The following OTUD4 variants were observed in gnomAD, a reference collection of about 807,000 sequenced individuals.
OTUD4 encodes OTU domain-containing protein 4.
In OTUD4, 24 loss-of-function variants were observed where a neutral mutation model predicts 130.4. The ratio of observed to expected loss-of-function variants is 0.18; its 90% CI spans 0.13 to 0.26. The LOEUF is 0.26. OTUD4 is among the 10% of genes least tolerant of loss of function. The pLI is 1.00. For missense variants in OTUD4, 1,031 were observed against 1,329.4 expected (o/e 0.78, Z 3.49); for synonymous variants, 420 against 472.5 (o/e 0.89, Z 1.44).
rs529802439 is a variant in OTUD4, at chr4:145,137,361, A to G, written c.*69T>C. ...CCAACTGCGGTTTTTACTTTATTGT[A>G]TTTTTTTTAAAGCCTTCAGAAACAT... is the stretch of plus-strand genomic sequence containing the variant. On this transcript the variant is annotated 3_prime_UTR_variant, in exon 21 of 21. Coordinates refer to ENST00000447906, the MANE Select transcript of OTUD4 (RefSeq NM_001366057.1). The G allele has an allele frequency of 3.7e-5, 50 of 1,346,212 alleles. No homozygotes were observed. In the South Asian group the frequency reaches 6.0e-4, roughly 16 times the overall value. The allele number at this position is 1,346,212 out of a possible 1,614,324, so 83.4% of individuals were successfully genotyped here.
At chr4:145,159,944 C>T (rs11734405) in intron 6 of OTUD4, among the ~76,000 whole-genome samples, 68,656 of 151,968 alleles carry the variant, frequency 0.45, 15,722 homozygotes, top group Middle Eastern at 0.5. Flanking sequence ...CCAAAACACA[C>T]ACACTGAGCA....
chr4:145,155,388 C>CT, intron 10 of OTUD4, 23 bp downstream of exon 10: 1 of 1,587,620 alleles, frequency 6.3e-7, no homozygotes, highest in Non-Finnish European at 8.6e-7. Flanking sequence ...AAAATCTCTT[C>CT]TTCTTTTACA....
At chr4:145,144,246 ATGACAT>A in intron 15 of OTUD4, 59 bp downstream of exon 15, 1 of 1,528,154 alleles carries the variant, frequency 6.5e-7, no homozygotes, top group Non-Finnish European at 8.8e-7. Flanking sequence ...TCCCAAATAT[ATGACAT>A]TAAGCCAGTC....
At chr4:145,145,922 C>T (rs904674655) in intron 14 of OTUD4, among the ~76,000 whole-genome samples, 1 of 152,196 alleles carries the variant, frequency 6.6e-6, no homozygotes, top group Non-Finnish European at 1.5e-5. Flanking sequence ...TGATTTTACA[C>T]ATAGATCTTG....
chr4:145,167,618 AG>A (rs1424748000), intron 3 of OTUD4, among the ~76,000 whole-genome samples: 6 of 152,192 alleles, frequency 3.9e-5, no homozygotes, highest in Non-Finnish European at 8.8e-5. Flanking sequence ...GCACTTTGGG[AG>A]GCCAAGGAGG....
intron 19 of OTUD4, among the ~76,000 whole-genome samples, chr4:145,140,439 G>C (rs1750505276): frequency 6.6e-6 from 1 of 152,114 alleles, no homozygotes; most frequent in African/African-American, 2.4e-5. Context: ...GTTACTCATA[G>C]ACACAAACAT....
At chr4:145,171,040 G>A (rs933309150) in intron 3 of OTUD4, 1 of 152,162 alleles carries the variant, frequency 6.6e-6, no homozygotes, top group African/African-American at 2.4e-5. Context: ...TGCCTAGGAA[G>A]AAAAACTCTG....
Position 145,156,009 on chromosome 4 carries a change from A to G in OTUD4, c.630-13T>C, listed in dbSNP as rs1461682698. 4 of 1,605,744 alleles carry G rather than the reference A, an allele frequency of 2.5e-6. No individual in the cohort carries two copies. The Admixed American group carries it at 5.1e-5, about 21-fold the overall frequency. The stretch of plus-strand genomic sequence containing the variant: ...AGCAGTCTTACTCCTACAAAGAAAG[A>G]TAACCATAATTGGGGCAGAAAAAGG... On this transcript the variant is annotated splice_polypyrimidine_tract_variant and intron_variant, in intron 7 of 20. Coordinates refer to ENST00000447906, the MANE Select transcript of OTUD4 (RefSeq NM_001366057.1).
chr4:145,159,764 C>T, intron 6 of OTUD4, 129 bp from the exon 7 acceptor site: 1 of 804,390 alleles, frequency 1.2e-6, no homozygotes, highest in Non-Finnish European at 1.9e-6. Context: ...TCTGCTAAAC[C>T]TTATGGTCAA....
rs187838777 is a variant in OTUD4 at position 145,155,918 on chromosome 4, C to A, written c.690+18G>T. On this transcript the variant is annotated intron_variant, in intron 8 of 20. Transcript: ENST00000447906. ...TATATTAAAGAACTACATTTAAAACCACTTTTAAAAAAAATACCTCATTGC... is the reference window on the plus strand; with the variant it reads ...TATATTAAAGAACTACATTTAAAACAACTTTTAAAAAAAATACCTCATTGC... The A allele has an allele frequency of 2.5e-5, 39 of 1,580,070 alleles. No homozygotes were observed. The East Asian group carries it at 3.4e-4, about 14-fold the overall frequency.
intron 5 of OTUD4, among the ~76,000 whole-genome samples, chr4:145,163,554 T>TA (rs1182633354): frequency 6.6e-6 from 1 of 152,246 alleles, no homozygotes; most frequent in Non-Finnish European, 1.5e-5. Context: ...TTTATATTGA[T>TA]AAAAAACTAT....
chr4:145,178,336 T>C (rs1471905463), intron 1 of OTUD4, among the ~76,000 whole-genome samples: 6 of 152,204 alleles, frequency 3.9e-5, no homozygotes, highest in Non-Finnish European at 2.9e-5. Flanking sequence ...AAGCTTCCCT[T>C]ACCGCCATTT....
At chr4:145,144,113 A>G in intron 15 of OTUD4, 112 bp from the exon 16 acceptor site, 1 of 1,073,930 alleles carries the variant, frequency 9.3e-7, no homozygotes, top group Non-Finnish European at 1.4e-6. Context: ...AACCATGTTT[A>G]GTCAGTGAAA....
rs1750292374 is a variant in OTUD4, at chr4:145,136,776, TAAAA to T, written c.*650_*653del. On this transcript the variant is annotated 3_prime_UTR_variant, in exon 21 of 21. Coordinates refer to ENST00000447906, the MANE Select transcript of OTUD4 (RefSeq NM_001366057.1). ...ATTCAAAAATATACCTTATGAATAT[TAAAA>T]GAACTATATACAACATTGCTAAGAC... 6.6e-6 allele frequency: 1 copy of T among 152,636 alleles called. No individual in the cohort carries two copies. Among genetic ancestry groups the T allele is most frequent in the Non-Finnish European group, 1.5e-5 (1 of 68,032 alleles). 9.5% of individuals were successfully genotyped at this position (152,636 alleles called of 1,614,324 possible).
intron 3 of OTUD4, chr4:145,171,439 C>T (rs1444307804): frequency 4.9e-6 from 2 of 409,614 alleles, no homozygotes; most frequent in Non-Finnish European, 8.7e-6. Flanking sequence ...CATTTACATG[C>T]CATTATAGCC....
In OTUD4 at chr4:145,155,551, T is replaced by C. The variant is rs1751244360; in HGVS notation, c.808+18A>G. ...TGCTACAAAGCAAATTTATGGAAAATGCAGATTTTTAACTCACCTTGTTTA... is the reference window on the plus strand; with the variant it reads ...TGCTACAAAGCAAATTTATGGAAAACGCAGATTTTTAACTCACCTTGTTTA... On this transcript the variant is annotated intron_variant, in intron 9 of 20. Coordinates refer to ENST00000447906, the MANE Select transcript of OTUD4 (RefSeq NM_001366057.1). 1.2e-6 allele frequency: 2 copies of C among 1,601,356 alleles called. No homozygotes were observed. Among genetic ancestry groups the C allele is most frequent in the Admixed American group, 1.7e-5 (1 of 58,588 alleles).
At chr4:145,152,666 A>C in intron 10 of OTUD4, 31 bp from the exon 11 acceptor site, 1 of 1,286,154 alleles carries the variant, frequency 7.8e-7, no homozygotes, top group Non-Finnish European at 1.1e-6. Context: ...GAAAAGGAAA[A>C]AAAAAATCAG....
chr4:145,138,095 G>A lies in OTUD4; in HGVS notation c.2680C>T (p.Leu894=), dbSNP rs747474856. Reference sequence around the variant, plus strand: ...TCTTTAGACAGATCCAGATTTTCCAGAGACAGATCCAATTCTCCTTTTTCA... The same window carrying A: ...TCTTTAGACAGATCCAGATTTTCCAAAGACAGATCCAATTCTCCTTTTTCA... ...SDEKGELDLS[L]ENLDLSKDCG... Residue 894 remains leucine (L), a synonymous_variant, in exon 21 of 21, where the codon CTG becomes TTG. Coordinates refer to ENST00000447906, the MANE Select transcript of OTUD4 (RefSeq NM_001366057.1). 4 of 1,614,096 alleles carry A rather than the reference G, an allele frequency of 2.5e-6. No homozygotes were observed. Among genetic ancestry groups the A allele is most frequent in the Non-Finnish European group, 2.5e-6 (3 of 1,179,958 alleles).
chr4:145,141,416 A>C lies in OTUD4; in HGVS notation c.2046T>G (p.Pro682=). ...CCTCCCCAGTCTGACACAGTGAATA[A>C]GGTGGTACAATGGCTCGATCTCCCT... ...NEKGDRAIVP[P]YSLCQTGEDL... The change falls in exon 19 of 21, where the codon CCT becomes CCG. Residue 682 remains proline (P), a synonymous_variant. Transcript: ENST00000447906. 6.2e-7 allele frequency: 1 copy of C among 1,613,432 alleles called. No individual in the cohort carries two copies. The highest frequency in any genetic ancestry group is 8.5e-7 in the Non-Finnish European group (1 of 1,179,608).
Sources: allele counts gnomAD v4.1 joint callset (sites outside exome capture counted in the v4.1 genomes callset), GRCh38; gene constraint gnomAD v4.1.1; transcripts MANE v1.5; gene names NCBI Gene and HGNC (gene_info 2026-07-23, HGNC 2026-07-21).